Variants in CNTNAP2 observed in about 807,000 individuals in gnomAD.
CNTNAP2 encodes the protein contactin associated protein 2.
In CNTNAP2, 98 loss-of-function variants were observed where a neutral mutation model predicts 155.2. That is an observed-to-expected ratio of 0.63 (90% CI 0.54 to 0.75). The LOEUF (loss-of-function observed/expected upper bound fraction) is 0.75. Ranked by LOEUF, CNTNAP2 falls within the 30% of genes least tolerant of loss-of-function variation. The pLI is 0.00. For synonymous variants in CNTNAP2, 651 were observed against 631.2 expected, an observed-to-expected ratio of 1.03 and a Z score of -0.47; for missense variants, 1,727 against 1,688.1, an observed-to-expected ratio of 1.02 and a Z score of -0.40.
At chr7:147,797,461 C>G (rs1014616665) in intron 13 of CNTNAP2, among the ~76,000 whole-genome samples, 7 of 152,098 alleles carry the variant, frequency 4.6e-5, no homozygotes, top group African/African-American at 1.7e-4. Flanking sequence ...TCAAACCCTA[C>G]GTTTGAGGGT....
At chr7:147,822,738 A>C (rs1309079430) in intron 13 of CNTNAP2, among the ~76,000 whole-genome samples, 1 of 152,154 alleles carries the variant, frequency 6.6e-6, no homozygotes, top group East Asian at 1.9e-4. Flanking sequence ...GATGTTTCAA[A>C]GTTGGATGCT....
rs1322210621 is a variant in CNTNAP2, at chr7:147,775,067, C to A, written c.2099-128498C>A. Among the ~76,000 whole-genome samples the A allele has an allele frequency of 2.7e-5, 4 of 150,632 alleles. No individual in the cohort carries two copies. In the East Asian group the frequency reaches 5.9e-4, roughly 22 times the overall value. On this transcript the variant is annotated intron_variant, in intron 13 of 23. Transcript: ENST00000361727. ...AACCTTATTCTCATGGAACTCTGTT[C>A]TTCCAAAGGCTGTAGCAGGCATTTT...
At chr7:146,218,541 A>AAAC (rs1799154499) in intron 1 of CNTNAP2, among the ~76,000 whole-genome samples, 1 of 15,698 alleles carries the variant, frequency 6.4e-5, no homozygotes, top group African/African-American at 1.2e-4. Context: ...ACAAACAAAC[A>AAAC]AAAAAAATTG....
intron 21 of CNTNAP2, among the ~76,000 whole-genome samples, chr7:148,271,480 C>T (rs6973106): frequency 0.36 from 54,255 of 152,014 alleles, 11,395 homozygotes; most frequent in East Asian, 0.6. Flanking sequence ...CCACAGGCTT[C>T]AAGCTACTCA....
At chr7:147,631,611 T>C (rs990068546) in intron 12 of CNTNAP2, among the ~76,000 whole-genome samples, 1 of 152,112 alleles carries the variant, frequency 6.6e-6, no homozygotes, top group African/African-American at 2.4e-5. Context: ...CAAAACAGGA[T>C]GGTACTGGTG....
At chr7:146,940,489 A>T (rs968576398) in intron 3 of CNTNAP2, among the ~76,000 whole-genome samples, 1 of 152,002 alleles carries the variant, frequency 6.6e-6, no homozygotes, top group Non-Finnish European at 1.5e-5. Flanking sequence ...CACCGCACCC[A>T]GCCCCTTATT....
At chr7:147,298,198 G>A (rs1335195257) in intron 8 of CNTNAP2, among the ~76,000 whole-genome samples, 2 of 152,130 alleles carry the variant, frequency 1.3e-5, no homozygotes, top group African/African-American at 4.8e-5. Flanking sequence ...GGAGGCCAAG[G>A]TGGGTGGATC....
intron 15 of CNTNAP2, among the ~76,000 whole-genome samples, chr7:148,002,341 A>G (rs189041665): frequency 6.6e-6 from 1 of 152,278 alleles, no homozygotes; most frequent in Non-Finnish European, 1.5e-5. Flanking sequence ...TATATTTAGA[A>G]CCAGCATTTC....
intron 1 of CNTNAP2, among the ~76,000 whole-genome samples, chr7:146,679,579 A>G (rs908885666): frequency 4.0e-5 from 6 of 151,794 alleles, no homozygotes; most frequent in Admixed American, 2.6e-4. Flanking sequence ...CTGGTCTCGA[A>G]CGCCTGACCT....
chr7:147,987,409 G>A (rs751045725), intron 15 of CNTNAP2, among the ~76,000 whole-genome samples: 4 of 152,232 alleles, frequency 2.6e-5, no homozygotes, highest in Non-Finnish European at 5.9e-5. Context: ...TTGTGTGCGT[G>A]TGACTGATTT....
At chr7:147,213,584 A>T (rs1300136660) in intron 8 of CNTNAP2, among the ~76,000 whole-genome samples, 1 of 151,916 alleles carries the variant, frequency 6.6e-6, no homozygotes, top group Non-Finnish European at 1.5e-5. Context: ...AAAAAAAAAT[A>T]ACATTGTATT....
chr7:146,393,597 C>G (rs1795577239), intron 1 of CNTNAP2, among the ~76,000 whole-genome samples: 1 of 152,116 alleles, frequency 6.6e-6, no homozygotes, highest in South Asian at 2.1e-4. Flanking sequence ...CTCCCTAACT[C>G]AAGTTACTAT....
At chr7:146,135,242 T>A (rs1253777419) in intron 1 of CNTNAP2, among the ~76,000 whole-genome samples, 9 of 152,076 alleles carry the variant, frequency 5.9e-5, no homozygotes, top group Non-Finnish European at 2.9e-5. Flanking sequence ...ATAATTATGA[T>A]ATCTCATTTT....
chr7:146,718,217 T>C (rs1158784825), intron 1 of CNTNAP2, among the ~76,000 whole-genome samples: 2 of 152,204 alleles, frequency 1.3e-5, no homozygotes, highest in Admixed American at 6.5e-5. Flanking sequence ...CTGTCACATA[T>C]TATTAAAATC....
chr7:146,427,527 G>T (rs1451536422), intron 1 of CNTNAP2, among the ~76,000 whole-genome samples: 1 of 152,076 alleles, frequency 6.6e-6, no homozygotes, highest in Non-Finnish European at 1.5e-5. Context: ...AGCATTCTGA[G>T]CTTAAGGACA....
chr7:147,651,395 A>T (rs1190805656), intron 13 of CNTNAP2, among the ~76,000 whole-genome samples: 1 of 152,252 alleles, frequency 6.6e-6, no homozygotes, highest in Admixed American at 6.5e-5. Flanking sequence ...CTATGCAGCA[A>T]CACCTGGAAG....
At chr7:146,653,318 T>A (rs1454779299) in intron 1 of CNTNAP2, among the ~76,000 whole-genome samples, 1 of 152,152 alleles carries the variant, frequency 6.6e-6, no homozygotes, top group Non-Finnish European at 1.5e-5. Flanking sequence ...TGTAGTTTAA[T>A]TTTTATTATC....
chr7:148,404,707 C>T (rs1179215956), intron 22 of CNTNAP2, among the ~76,000 whole-genome samples: 1 of 152,104 alleles, frequency 6.6e-6, no homozygotes, highest in Admixed American at 6.5e-5. Context: ...TACCCCCTGC[C>T]CTCTTGGTAC....
intron 1 of CNTNAP2, among the ~76,000 whole-genome samples, chr7:146,650,923 GGT>G (rs781432939): frequency 6.6e-6 from 1 of 152,112 alleles, no homozygotes. Flanking sequence ...AGGAGGCTGA[GGT>G]GTGAGAATTG....
Sources: allele counts gnomAD v4.1 joint callset (sites outside exome capture counted in the v4.1 genomes callset), GRCh38; gene constraint gnomAD v4.1.1; transcripts MANE v1.5; gene names NCBI Gene and HGNC (gene_info 2026-07-23, HGNC 2026-07-21).